Variants in BRCA1 observed in about 807,000 individuals in gnomAD.
The protein encoded by BRCA1 is BRCA1 DNA repair associated.
In BRCA1, 140 loss-of-function variants were observed where a neutral mutation model predicts 173.7. The observed-to-expected ratio is 0.81, with a 90% CI of 0.70 to 0.93. The LOEUF (loss-of-function observed/expected upper bound fraction) is 0.93, where lower values mean the gene tolerates loss of function less well. Among genes scored for constraint, BRCA1 ranks in the 40% least tolerant of loss-of-function variants. The probability of loss-of-function intolerance (pLI) is 0.00; values close to 1 mark genes in which losing one functional copy is unlikely to be tolerated. For synonymous variants in BRCA1, 662 were observed against 756.0 expected (o/e 0.88, Z 2.04); for missense variants, 1,983 against 2,172.5 (o/e 0.91, Z 1.73).
At chr17:43,123,014 G>A (rs1432509062) in intron 2 of BRCA1, among the ~76,000 whole-genome samples, 8 of 151,574 alleles carry the variant, frequency 5.3e-5, no homozygotes, top group Admixed American at 1.3e-4. Flanking sequence ...CTGAGATCGC[G>A]CCACTGCACT....
chr17:43,121,282 GGA>G (rs1276971702), intron 2 of BRCA1, among the ~76,000 whole-genome samples: 1 of 151,964 alleles, frequency 6.6e-6, no homozygotes, highest in Non-Finnish European at 1.5e-5. Context: ...GGCTGAGGCA[GGA>G]GAATGGCCTG....
At chr17:43,143,845 C>T (rs11869227) in intron 1 of BRCA1, among the ~76,000 whole-genome samples, 14,826 of 152,096 alleles carry the variant, frequency 0.097, 2,449 homozygotes, top group African/African-American at 0.34. Context: ...AATTACTGCT[C>T]TCACACACTC....
chr17:43,160,297 G>A (rs1254289838), intron 1 of BRCA1: 7 of 152,012 alleles, frequency 4.6e-5, no homozygotes, highest in African/African-American at 1.7e-4. Context: ...GTTAAAGAAG[G>A]AAGGGGTTTA....
chr17:43,167,331 C>A (rs1478300012), intron 1 of BRCA1: 1 of 152,210 alleles, frequency 6.6e-6, no homozygotes, highest in African/African-American at 2.4e-5. Context: ...ACTCCGGTCT[C>A]AAGAGCCAAG....
intron 7 of BRCA1, 93 bp from the exon 8 acceptor site, chr17:43,097,382 T>A: frequency 9.6e-7 from 1 of 1,044,884 alleles, no homozygotes; most frequent in Non-Finnish European, 1.5e-6. Flanking sequence ...GATATTCAAC[T>A]AGAAATATTT....
At chr17:43,155,133 TGCC>T (rs1260694105) in intron 1 of BRCA1, among the ~76,000 whole-genome samples, 1 of 151,908 alleles carries the variant, frequency 6.6e-6, no homozygotes, top group Admixed American at 6.6e-5. Flanking sequence ...GGTAGGAACC[TGCC>T]AGCTATTTTA....
chr17:43,045,616 AAAG>A lies in BRCA1; in HGVS notation c.*59_*61del. ...AGTGAGAGGAGCTCCCAGGGCCTGG[AAAG>A]GCCACTTTGTAAGCTCATTCTTGGG... On this transcript the variant is annotated 3_prime_UTR_variant, in exon 23 of 23. Transcript: ENST00000357654. 6.2e-7 allele frequency: 1 copy of A among 1,610,920 alleles called. No individual in the cohort carries two copies.
chr17:43,168,595 C>A (rs1285367603), intron 1 of BRCA1, among the ~76,000 whole-genome samples: 1 of 152,202 alleles, frequency 6.6e-6, no homozygotes, highest in Non-Finnish European at 1.5e-5. Flanking sequence ...GCCCAAATCA[C>A]GCCATTACAC....
intron 1 of BRCA1, among the ~76,000 whole-genome samples, chr17:43,137,645 T>C (rs1597934181): frequency 6.6e-6 from 1 of 150,878 alleles, no homozygotes; most frequent in Non-Finnish European, 1.5e-5. Flanking sequence ...CTTTGGGAGG[T>C]CAAGGTGAGC....
chr17:43,134,004 A>G (rs946898907), intron 1 of BRCA1, among the ~76,000 whole-genome samples: 2 of 152,094 alleles, frequency 1.3e-5, no homozygotes, highest in African/African-American at 2.4e-5. Flanking sequence ...CTGTATTTCT[A>G]TCTGCTGGCC....
At chr17:43,125,607 G>C (rs182299673), upstream of BRCA1, 8 of 297,802 alleles carry the variant, frequency 2.7e-5, 1 homozygote, top group East Asian at 7.2e-4. Flanking sequence ...ACCTGAGTTT[G>C]CCATAAAGTG....
upstream of BRCA1, among the ~76,000 whole-genome samples, chr17:43,128,816 A>G (rs1157056948): frequency 7.4e-5 from 9 of 121,774 alleles, no homozygotes; most frequent in East Asian, 1.3e-3. Flanking sequence ...TTCAGGCCAC[A>G]CTTTTTTTTT....
intron 19 of BRCA1, among the ~76,000 whole-genome samples, chr17:43,053,039 G>A (rs1347803813): frequency 2.0e-5 from 3 of 151,902 alleles, no homozygotes; most frequent in Non-Finnish European, 4.4e-5. Flanking sequence ...ACCACACCCG[G>A]CTAATTTTTT....
intron 2 of BRCA1, among the ~76,000 whole-genome samples, chr17:43,116,728 C>T (rs557927921): frequency 2.0e-5 from 3 of 152,208 alleles, no homozygotes; most frequent in South Asian, 4.2e-4. Flanking sequence ...CCATGTTGGC[C>T]GGCTGGTCTT....
At chr17:43,124,413 C>T (rs902027878) in intron 1 of BRCA1, among the ~76,000 whole-genome samples, 4 of 152,094 alleles carry the variant, frequency 2.6e-5, no homozygotes, top group African/African-American at 7.2e-5. Flanking sequence ...GTGGTGGTAG[C>T]CTTAGCTTTC....
intron 6 of BRCA1, among the ~76,000 whole-genome samples, chr17:43,100,332 T>A (rs2054328441): frequency 6.6e-6 from 1 of 151,044 alleles, no homozygotes; most frequent in African/African-American, 2.4e-5. Flanking sequence ...CAATCACATC[T>A]GATAACTTTT....
chr17:43,128,088 G>C (rs2055930604), upstream of BRCA1, among the ~76,000 whole-genome samples: 1 of 150,752 alleles, frequency 6.6e-6, no homozygotes, highest in South Asian at 2.1e-4. Flanking sequence ...ACCCGCTCTG[G>C]TCTCCTTCCA....
rs184653184 is a variant in BRCA1, at chr17:43,131,306, A to T, written c.-19-7191T>A. The T allele has an allele frequency of 9.2e-5, 44 of 478,422 alleles. 1 individual carries two copies. The East Asian group carries it at 2.9e-3, about 32-fold the overall frequency. The allele number at this position is 478,422 out of a possible 1,614,324, so 29.6% of individuals were successfully genotyped here. Reference sequence around the variant, plus strand: ...TTATGGTACTTATTGCTAGGTGTTCAGAATAGGGATCTTATTTCTCCAGTG... The same window carrying T: ...TTATGGTACTTATTGCTAGGTGTTCTGAATAGGGATCTTATTTCTCCAGTG... On this transcript the variant is annotated intron_variant, in intron 1 of 7. Transcript: ENST00000634433.
upstream of BRCA1, among the ~76,000 whole-genome samples, chr17:43,126,409 G>A (rs533464646): frequency 3.3e-5 from 5 of 152,144 alleles, no homozygotes; most frequent in Non-Finnish European, 5.9e-5. Flanking sequence ...AGCTGGCAGC[G>A]GACGGTCTTT....
Sources: gnomAD v4.1 joint callset for allele counts (sites outside exome capture counted in the v4.1 genomes callset) on GRCh38, gnomAD v4.1.1 for gene constraint, MANE v1.5 for transcripts, NCBI Gene and HGNC (gene_info 2026-07-23, HGNC 2026-07-21) for gene names.